Variants in TMEM196 observed in about 807,000 individuals in gnomAD.
TMEM196 encodes the protein transmembrane protein 196.
TMEM196 carries 17 observed loss-of-function variants against 20.0 expected under a neutral mutation model. The ratio of observed to expected loss-of-function variants is 0.85; its 90% CI spans 0.58 to 1.27. The LOEUF (loss-of-function observed/expected upper bound fraction) is 1.27, where lower values mean the gene tolerates loss of function less well. TMEM196 is among the 50% of genes most tolerant of loss of function. TMEM196 has a pLI of 0.00. For synonymous variants in TMEM196, 113 were observed against 88.9 expected (o/e 1.27, Z -1.52); for missense variants, 267 against 223.0 (o/e 1.20, Z -1.26).
chr7:19,722,099 C>G lies in TMEM196; in HGVS notation c.*29G>C. On this transcript the variant is annotated 3_prime_UTR_variant, in exon 5 of 5. Transcript: ENST00000405844. ...ATTACACTCTTCCATTAAATATCAGCTGTGGTCCTCCATTGCTCATGTTGT... is the reference window on the plus strand; with the variant it reads ...ATTACACTCTTCCATTAAATATCAGGTGTGGTCCTCCATTGCTCATGTTGT... 6.2e-7 allele frequency: 1 copy of G among 1,610,212 alleles called. No individual in the cohort carries two copies. The highest frequency in any genetic ancestry group is 8.5e-7 in the Non-Finnish European group (1 of 1,178,224).
intron 2 of TMEM196, among the ~76,000 whole-genome samples, chr7:19,728,556 C>T (rs950061562): frequency 6.6e-6 from 1 of 152,142 alleles, no homozygotes; most frequent in Admixed American, 6.5e-5. Context: ...CAATGCTTCC[C>T]ATTCCCTGAT....
At chr7:19,762,147 C>A (rs2128037962) in intron 1 of TMEM196, among the ~76,000 whole-genome samples, 1 of 151,996 alleles carries the variant, frequency 6.6e-6, no homozygotes, top group African/African-American at 2.4e-5. Flanking sequence ...TTTGAATTTG[C>A]AGTATATTTA....
intron 1 of TMEM196, among the ~76,000 whole-genome samples, chr7:19,769,085 A>C (rs1326922668): frequency 2.0e-5 from 3 of 152,128 alleles, no homozygotes; most frequent in Non-Finnish European, 4.4e-5. Context: ...TTAATTCAGC[A>C]ATCTTATAGT....
intron 1 of TMEM196, among the ~76,000 whole-genome samples, chr7:19,763,136 C>T (rs1306980111): frequency 1.3e-5 from 2 of 152,164 alleles, no homozygotes; most frequent in East Asian, 3.9e-4. Flanking sequence ...TATCCTACTT[C>T]TGTTACTGGT....
chr7:19,768,440 G>A (rs899057986), intron 1 of TMEM196, among the ~76,000 whole-genome samples: 3 of 152,024 alleles, frequency 2.0e-5, no homozygotes, highest in Admixed American at 1.3e-4. Context: ...TTATAAATCT[G>A]TGTGCTACTA....
At position 19,721,291 on chromosome 7, in the gene TMEM196, A is replaced by G. The variant is rs1184522055; in HGVS notation, c.*837T>C. ...ACAATTTCTTTTCTAATACCTATTTACATTCATGTATGCTATAATATATGC... is the reference window on the plus strand; with the variant it reads ...ACAATTTCTTTTCTAATACCTATTTGCATTCATGTATGCTATAATATATGC... On this transcript the variant is annotated 3_prime_UTR_variant, in exon 5 of 5. Coordinates refer to ENST00000405844, the MANE Select transcript of TMEM196 (RefSeq NM_001363562.2). 1 of 151,958 alleles carries G rather than the reference A, an allele frequency of 6.6e-6. No individual in the cohort carries two copies. Among genetic ancestry groups the G allele is most frequent in the African/African-American group, 2.4e-5 (1 of 41,446 alleles). 9.4% of individuals were successfully genotyped at this position (151,958 alleles called of 1,614,324 possible).
intron 1 of TMEM196, among the ~76,000 whole-genome samples, chr7:19,737,343 GAATTTTCATTTGCTACATATAGGAATAGA>G (rs1327532288): frequency 1.3e-5 from 2 of 152,010 alleles, no homozygotes; most frequent in African/African-American, 4.8e-5. Context: ...GAAGCAGCAG[GAATTTTCATTTGCTACATATAGGAATAGA>G]AAATGGTGTA....
chr7:19,754,306 C>T (rs1188086123), intron 1 of TMEM196, among the ~76,000 whole-genome samples: 1 of 152,190 alleles, frequency 6.6e-6, no homozygotes, highest in African/African-American at 2.4e-5. Context: ...CTTCTAACAA[C>T]TCTAAAGCCC....
At chr7:19,728,700 C>T (rs139986087) in intron 2 of TMEM196, among the ~76,000 whole-genome samples, 63 of 152,242 alleles carry the variant, frequency 4.1e-4, no homozygotes, top group Non-Finnish European at 7.5e-4. Flanking sequence ...AAATAAACCA[C>T]ACTTTTTCCT....
chr7:19,727,224 T>C (rs2128013982), intron 2 of TMEM196, among the ~76,000 whole-genome samples: 1 of 152,250 alleles, frequency 6.6e-6, no homozygotes, highest in South Asian at 2.1e-4. Flanking sequence ...TAGTTAAATC[T>C]TGTGAAAGAG....
intron 1 of TMEM196, among the ~76,000 whole-genome samples, chr7:19,745,807 A>T (rs931490261): frequency 6.6e-6 from 1 of 150,472 alleles, no homozygotes; most frequent in Non-Finnish European, 1.5e-5. Flanking sequence ...GGCCACTTCC[A>T]TGGTCATCTG....
At chr7:19,722,839 T>C (rs1044061760) in intron 4 of TMEM196, among the ~76,000 whole-genome samples, 1 of 152,204 alleles carries the variant, frequency 6.6e-6, no homozygotes, top group Non-Finnish European at 1.5e-5. Flanking sequence ...AAAATTTTGA[T>C]GCTTTTAATT....
intron 1 of TMEM196, among the ~76,000 whole-genome samples, chr7:19,735,478 C>T: frequency 6.6e-6 from 1 of 152,118 alleles, no homozygotes; most frequent in East Asian, 1.9e-4. Flanking sequence ...TTCTCTCTCT[C>T]TTTCTCTTGC....
intron 1 of TMEM196, among the ~76,000 whole-genome samples, chr7:19,739,606 A>G (rs1341107539): frequency 6.6e-6 from 1 of 152,130 alleles, no homozygotes; most frequent in African/African-American, 2.4e-5. Flanking sequence ...TGCAACAATA[A>G]GCAAAAGACT....
chr7:19,766,532 A>T (rs1785633615), intron 1 of TMEM196, among the ~76,000 whole-genome samples: 2 of 150,952 alleles, frequency 1.3e-5, no homozygotes, highest in Admixed American at 6.6e-5. Context: ...ATATATATAA[A>T]ATATATAGGA....
chr7:19,752,944 C>T (rs890258134), intron 1 of TMEM196, among the ~76,000 whole-genome samples: 1 of 152,070 alleles, frequency 6.6e-6, no homozygotes, highest in African/African-American at 2.4e-5. Context: ...AATGTCTCTC[C>T]AAATTTCTTG....
rs1173455595 is a variant in TMEM196 at position 19,720,292 on chromosome 7, A to G, written c.*1836T>C. ...TCCAGTTATTTCTGTTGAATAGATG[A>G]CAGCCAGAATTTTAAGTGAGCTGAT... On this transcript the variant is annotated 3_prime_UTR_variant, in exon 5 of 5. Transcript: ENST00000405844. 6 of 152,040 alleles carry G rather than the reference A, an allele frequency of 3.9e-5. No individual in the cohort carries two copies. The highest frequency in any genetic ancestry group is 7.2e-5 in the African/African-American group (3 of 41,458). The allele number at this position is 152,040 out of a possible 1,614,324, so 9.4% of individuals were successfully genotyped here.
At chr7:19,769,730 T>C (rs1785787557) in intron 1 of TMEM196, among the ~76,000 whole-genome samples, 1 of 152,074 alleles carries the variant, frequency 6.6e-6, no homozygotes, top group South Asian at 2.1e-4. Flanking sequence ...ACAATAATAA[T>C]ACAAAGGAAA....
At chr7:19,733,529 C>T (rs899103060) in intron 1 of TMEM196, among the ~76,000 whole-genome samples, 1 of 152,196 alleles carries the variant, frequency 6.6e-6, no homozygotes, top group East Asian at 1.9e-4. Flanking sequence ...CCTGCTCCTT[C>T]CCTAGACCTT....
Sources: gnomAD v4.1 joint callset for allele counts (sites outside exome capture counted in the v4.1 genomes callset) on GRCh38, gnomAD v4.1.1 for gene constraint, MANE v1.5 for transcripts, NCBI Gene and HGNC (gene_info 2026-07-23, HGNC 2026-07-21) for gene names.